Variants in IQSEC1 observed in about 807,000 individuals in gnomAD.
IQSEC1 encodes IQ motif and SEC7 domain-containing protein 1.
IQSEC1 carries 31 observed loss-of-function variants against 91.0 expected under a neutral mutation model. That is an observed-to-expected ratio of 0.34 (90% CI 0.26 to 0.46). The LOEUF is 0.46. Ranked by LOEUF, IQSEC1 falls within the 20% of genes least tolerant of loss-of-function variation. The probability of loss-of-function intolerance (pLI) is 1.00; values close to 1 mark genes in which losing one functional copy is unlikely to be tolerated. For missense variants in IQSEC1, 1,388 were observed against 1,575.6 expected (o/e 0.88, Z 2.02); for synonymous variants, 699 against 662.6 (o/e 1.05, Z -0.84).
intron 1 of IQSEC1, among the ~76,000 whole-genome samples, chr3:12,953,911 T>C (rs1699730400): frequency 6.6e-6 from 1 of 152,042 alleles, no homozygotes; most frequent in South Asian, 2.1e-4. Context: ...TCAGTGAGAG[T>C]GTTCCAGGAA....
At chr3:12,911,793 C>T in intron 9 of IQSEC1, 65 bp from the exon 10 acceptor site, 1 of 1,111,418 alleles carries the variant, frequency 9.0e-7, no homozygotes, top group Admixed American at 1.7e-5. Flanking sequence ...TGTGGGACCT[C>T]TGGTCAGAGG....
intron 1 of IQSEC1, among the ~76,000 whole-genome samples, chr3:13,247,881 C>T (rs974513381): frequency 6.6e-6 from 1 of 152,172 alleles, no homozygotes; most frequent in Admixed American, 6.5e-5. Flanking sequence ...GCCTCCACGG[C>T]CTAAGGAGAC....
At chr3:12,948,856 G>A (rs140185799) in intron 1 of IQSEC1, among the ~76,000 whole-genome samples, 9 of 152,316 alleles carry the variant, frequency 5.9e-5, no homozygotes, top group Admixed American at 3.3e-4. Flanking sequence ...TGGCCAGGAC[G>A]CCCGAACACT....
At chr3:13,069,877 G>A (rs144779773) in intron 1 of IQSEC1, among the ~76,000 whole-genome samples, 2 of 152,340 alleles carry the variant, frequency 1.3e-5, no homozygotes, top group East Asian at 3.9e-4. Flanking sequence ...GTTTGATTCA[G>A]GGTCTGATTC....
intron 2 of IQSEC1, among the ~76,000 whole-genome samples, chr3:13,140,723 T>TTGCAGGGCTGACCTCAGGGG (rs1706786576): frequency 6.6e-6 from 1 of 152,192 alleles, no homozygotes; most frequent in African/African-American, 2.4e-5. Flanking sequence ...AAGCCCCATG[T>TTGCAGGGCTGACCTCAGGGG]TGCAGGGCTG....
In IQSEC1 at chr3:13,031,869, C is replaced by T. The variant is rs531849891; in HGVS notation, c.23+41123G>A. On this transcript the variant is annotated intron_variant, in intron 1 of 13. Coordinates refer to ENST00000613206, the MANE Select transcript of IQSEC1 (RefSeq NM_001134382.3). ...GCTGACACCTGAAGGACTAAGAAGGCGGTGGAGGAGGTCTAGGGTAGAGAA... is the reference window on the plus strand; with the variant it reads ...GCTGACACCTGAAGGACTAAGAAGGTGGTGGAGGAGGTCTAGGGTAGAGAA... 1.6e-4 allele frequency among the ~76,000 whole-genome samples: 25 copies of T among 152,132 alleles called. No individual in the cohort carries two copies. The East Asian group carries it at 2.3e-3, about 14-fold the overall frequency.
rs1458264008 is a variant in IQSEC1, at chr3:12,967,378, C to T, written c.24-25513G>A. ...CGGGAAGGCCGCTCGCCCCGCGCCG[C>T]GCCCTCACCCGCTGTCAAGCTCTAG... On this transcript the variant is annotated intron_variant, in intron 1 of 13. Transcript: ENST00000613206. This position sits in a 1 kb window ranked among gnomAD's most constrained non-coding sequence, Gnocchi z 5.9. 1 of 1,532,918 alleles carries T rather than the reference C, an allele frequency of 6.5e-7. No individual in the cohort carries two copies. Among genetic ancestry groups the T allele is most frequent in the Non-Finnish European group, 8.7e-7 (1 of 1,143,580 alleles). 95.0% of individuals were successfully genotyped at this position (1,532,918 alleles called of 1,614,324 possible). A position where few individuals can be genotyped will look rare whatever the true frequency, so the allele number is the denominator to read the frequency against.
intron 1 of IQSEC1, among the ~76,000 whole-genome samples, chr3:12,972,651 C>T (rs1700961671): frequency 6.6e-6 from 1 of 152,206 alleles, no homozygotes; most frequent in Non-Finnish European, 1.5e-5. Context: ...GCCACTTAGC[C>T]CCAAATCCTC....
At chr3:12,902,669 C>CCAAAAAAAAAAAAAAAAAAAAAAA in intron 13 of IQSEC1, 104 bp downstream of exon 13, 1 of 328,160 alleles carries the variant, frequency 3.0e-6, no homozygotes. Context: ...AAAAAAAAAA[C>CCAAAAAAAAAAAAAAAAAAAAAAA]CAAAAAAAAA....
In IQSEC1 at chr3:13,181,201, G is replaced by A. The variant is rs541605226; in HGVS notation, c.273-17068C>T. Among the ~76,000 whole-genome samples the A allele has an allele frequency of 5.9e-5, 9 of 152,344 alleles. 1 individual carries two copies. The highest frequency in any genetic ancestry group is 2.1e-4 in the South Asian group (1 of 4,828). ...CAGGAGAATGGCGCAAACTCGGGAG[G>A]TGGAGCTTGCAGTGAGCCAAGATCA... On this transcript the variant is annotated intron_variant, in intron 1 of 15. Transcript: ENST00000648114.
chr3:13,281,405 C>T (rs9873808), intron 1 of IQSEC1, among the ~76,000 whole-genome samples: 28,815 of 152,058 alleles, frequency 0.19, 3,973 homozygotes, highest in East Asian at 0.4. Context: ...CGTCCCGCTC[C>T]TCCTTCTCCA....
chr3:12,918,147 C>G (rs1470282102), intron 6 of IQSEC1, among the ~76,000 whole-genome samples: 1 of 152,242 alleles, frequency 6.6e-6, no homozygotes, highest in Non-Finnish European at 1.5e-5. Context: ...GAGCCCTGAT[C>G]ACCCATTCTG....
intron 1 of IQSEC1, among the ~76,000 whole-genome samples, chr3:12,990,115 C>T (rs368564177): frequency 1.7e-4 from 26 of 152,342 alleles, no homozygotes; most frequent in African/African-American, 5.1e-4. Flanking sequence ...TATTAAAACA[C>T]GTTGGCACTT....
At chr3:13,170,445 G>C (rs1412669329) in intron 1 of IQSEC1, among the ~76,000 whole-genome samples, 7 of 152,246 alleles carry the variant, frequency 4.6e-5, no homozygotes, top group Non-Finnish European at 8.8e-5. Flanking sequence ...AAGTGGAGCT[G>C]TGAGAAGAAG....
intron 1 of IQSEC1, among the ~76,000 whole-genome samples, chr3:13,057,837 C>A (rs1047474694): frequency 6.6e-6 from 1 of 152,216 alleles, no homozygotes; most frequent in African/African-American, 2.4e-5. Flanking sequence ...TCTCCTTACC[C>A]ACTCCCCCAC....
At chr3:13,113,516 C>T (rs2124871982) in intron 2 of IQSEC1, among the ~76,000 whole-genome samples, 1 of 152,330 alleles carries the variant, frequency 6.6e-6, no homozygotes, top group South Asian at 2.1e-4. Context: ...AGCAAGAAGC[C>T]TGCACCTGCC....
At chr3:12,962,120 C>T (rs779433986) in intron 1 of IQSEC1, among the ~76,000 whole-genome samples, 12 of 152,200 alleles carry the variant, frequency 7.9e-5, no homozygotes, top group Non-Finnish European at 1.8e-4. Flanking sequence ...AGGCAGACGA[C>T]CAACGGTCAA....
In IQSEC1 at chr3:12,991,187, C is replaced by T. The variant is rs148383694; in HGVS notation, c.24-49322G>A. The stretch of plus-strand genomic sequence containing the variant: ...TTCTGTTCAGTGATAATGGTATCCC[C>T]GCGGGGAAGATTCAGGGACTCAGGG... On this transcript the variant is annotated intron_variant, in intron 1 of 13. Transcript: ENST00000613206. Among the ~76,000 whole-genome samples, 1,052 of 152,234 alleles carry T rather than the reference C, an allele frequency of 6.9e-3. 19 individuals are homozygous for T. Among genetic ancestry groups the T allele is most frequent in the African/African-American group, 0.023 (940 of 41,544 alleles).
chr3:12,971,900 T>C lies in IQSEC1; in HGVS notation c.24-30035A>G, dbSNP rs528619286. Among the ~76,000 whole-genome samples the C allele has an allele frequency of 4.6e-5, 7 of 152,224 alleles. No individual in the cohort carries two copies. In the East Asian group the frequency reaches 1.4e-3, roughly 29 times the overall value. ...AGCTGGGCGTGGTGGTGGGTGCCTGTAATCCCAGCTACTCAGGAGGCTGAG... is the reference window on the plus strand; with the variant it reads ...AGCTGGGCGTGGTGGTGGGTGCCTGCAATCCCAGCTACTCAGGAGGCTGAG... On this transcript the variant is annotated intron_variant, in intron 1 of 13. Coordinates refer to ENST00000613206, the MANE Select transcript of IQSEC1 (RefSeq NM_001134382.3).
Sources: gnomAD v4.1 joint callset for allele counts (sites outside exome capture counted in the v4.1 genomes callset) on GRCh38, gnomAD v4.1.1 for gene constraint, Gnocchi (gnomAD v3.1) non-coding constraint, MANE v1.5 for transcripts, NCBI Gene and HGNC (gene_info 2026-07-23, HGNC 2026-07-21) for gene names.